The following FBXO8 variants were observed in gnomAD, a reference collection of about 807,000 sequenced individuals.
The protein encoded by FBXO8 is F-box only protein 8.
In FBXO8, 15 loss-of-function variants were observed where a neutral mutation model predicts 33.4. The ratio of observed to expected loss-of-function variants is 0.45; its 90% CI spans 0.30 to 0.69. The LOEUF is 0.69. FBXO8 is among the 30% of genes least tolerant of loss of function. The pLI, the probability that FBXO8 is intolerant of heterozygous loss-of-function variation, is 0.08. For missense variants in FBXO8, 274 were observed against 380.3 expected (o/e 0.72, Z 2.32); for synonymous variants, 132 against 131.5 (o/e 1.00, Z -0.02).
rs1227028497 is a variant in FBXO8 at position 174,283,211 on chromosome 4, T to A, written c.-9+199A>T. Among the ~76,000 whole-genome samples the A allele has an allele frequency of 2.6e-5, 4 of 152,192 alleles. No homozygotes were observed. Among genetic ancestry groups the A allele is most frequent in the Admixed American group, 1.3e-4 (2 of 15,272 alleles). The stretch of plus-strand genomic sequence containing the variant: ...CAGAAGGAACACACCCAGTTCCGCC[T>A]CCTGACAGTGATTCCTCACTTTAAT... On this transcript the variant is annotated intron_variant, in intron 1 of 5. Transcript: ENST00000393674. The surrounding 1 kb of genome is among the most constrained non-coding windows in gnomAD (Gnocchi z 6.7).
rs768944082 is a variant in FBXO8 at position 174,259,343 on chromosome 4, A to T, written c.456+356T>A. ...CATCACTACTAAGGAAAAACAATAA[A>T]CAGAAAAAAACTGCTGCAGATAAAA... On this transcript the variant is annotated intron_variant, in intron 3 of 5. Transcript: ENST00000393674. The surrounding 1 kb of genome is among the most constrained non-coding windows in gnomAD (Gnocchi z 4.3). 3.2e-4 allele frequency among the ~76,000 whole-genome samples: 48 copies of T among 152,088 alleles called. No individual in the cohort carries two copies. The highest frequency in any genetic ancestry group is 1.2e-4 in the Non-Finnish European group (8 of 67,956).
At chr4:174,268,591 A>T (rs551066936) in intron 1 of FBXO8, among the ~76,000 whole-genome samples, 246 of 110,410 alleles carry the variant, frequency 2.2e-3, no homozygotes, top group African/African-American at 7.3e-3. Context: ...GCCTGCTACC[A>T]CGCCCGGCTA....
rs186230023 is a variant in FBXO8 at position 174,253,041 on chromosome 4, A to T, written c.456+6658T>A. On this transcript the variant is annotated intron_variant, in intron 3 of 5. Coordinates refer to ENST00000393674, the MANE Select transcript of FBXO8 (RefSeq NM_012180.3). This position sits in a 1 kb window ranked among gnomAD's most constrained non-coding sequence, Gnocchi z 4.5. The stretch of plus-strand genomic sequence containing the variant: ...TCCAACCTCATGAGTCAAGAGATAG[A>T]TTACACGGATGCCATAAAAGCATCC... 1.9e-3 allele frequency among the ~76,000 whole-genome samples: 282 copies of T among 152,270 alleles called. 6 individuals carry two copies. Among genetic ancestry groups the T allele is most frequent in the Admixed American group, 0.017 (263 of 15,286 alleles).
At chr4:174,273,333 A>AAAAGAAAAG (rs372307368) in intron 1 of FBXO8, among the ~76,000 whole-genome samples, 1 of 116,098 alleles carries the variant, frequency 8.6e-6, no homozygotes, top group Non-Finnish European at 1.8e-5. Context: ...TAAAAAAAAA[A>AAAAGAAAAG]AAAAGAAAAG....
intron 1 of FBXO8, among the ~76,000 whole-genome samples, chr4:174,282,836 C>A (rs1737157933): frequency 6.6e-6 from 1 of 152,126 alleles, no homozygotes; most frequent in Non-Finnish European, 1.5e-5. Context: ...GGATTGGGAT[C>A]CATTTATGTG....
At position 174,251,166 on chromosome 4, in the gene FBXO8, A is replaced by G. The variant is rs563819651; in HGVS notation, c.456+8533T>C. ...AATTTAAAAATGTATCCTAGGATGA[A>G]GACATTTTCCACTAATTTCAGTTTT... On this transcript the variant is annotated intron_variant, in intron 3 of 5. Transcript: ENST00000393674. The surrounding 1 kb of genome is among the most constrained non-coding windows in gnomAD (Gnocchi z 4.2). Among the ~76,000 whole-genome samples, 52 of 152,278 alleles carry G rather than the reference A, an allele frequency of 3.4e-4. No individual in the cohort carries two copies. The highest frequency in any genetic ancestry group is 2.6e-4 in the Non-Finnish European group (18 of 68,016).
rs188667778 is a variant in FBXO8 at position 174,241,755 on chromosome 4, G to C, written c.457-537C>G. The stretch of plus-strand genomic sequence containing the variant: ...AAGCCCAACTCCAAACCAATGTATA[G>C]GTTGTACTACTTTGGCTTTAAACAT... On this transcript the variant is annotated intron_variant, in intron 3 of 5. Transcript: ENST00000393674. The surrounding 1 kb of genome is among the most constrained non-coding windows in gnomAD (Gnocchi z 4.2). Among the ~76,000 whole-genome samples, 302 of 151,584 alleles carry C rather than the reference G, an allele frequency of 2.0e-3. 2 individuals carry two copies. Among genetic ancestry groups the C allele is most frequent in the African/African-American group, 6.8e-3 (283 of 41,478 alleles).
rs749077500 is a variant in FBXO8, at chr4:174,270,083, T to C, written c.-8-6983A>G. Among the ~76,000 whole-genome samples, 1 of 152,208 alleles carries C rather than the reference T, an allele frequency of 6.6e-6. No individual in the cohort carries two copies. The highest frequency in any genetic ancestry group is 1.5e-5 in the Non-Finnish European group (1 of 68,032). ...TTAGAAGCCTGACATGAATGGCTAC[T>C]GAATGGCTACTGAATGTGGACTGGC... On this transcript the variant is annotated intron_variant, in intron 1 of 5. Coordinates refer to ENST00000393674, the MANE Select transcript of FBXO8 (RefSeq NM_012180.3). The surrounding 1 kb of genome is among the most constrained non-coding windows in gnomAD (Gnocchi z 4.6).
rs1179217344 is a variant in FBXO8, at chr4:174,256,010, G to A, written c.456+3689C>T. 6.6e-6 allele frequency: 3 copies of A among 452,274 alleles called. No homozygotes were observed. The highest frequency in any genetic ancestry group is 1.3e-5 in the Non-Finnish European group (3 of 225,346). The allele number at this position is 452,274 out of a possible 1,614,324, so 28.0% of individuals were successfully genotyped here. On this transcript the variant is annotated intron_variant, in intron 3 of 5. Transcript: ENST00000393674. This position sits in a 1 kb window ranked among gnomAD's most constrained non-coding sequence, Gnocchi z 4.6. ...ACAATGTCATGCATAGTACAACAGC[G>A]TGCCAGATTATCGTACCACAAACTG... is the stretch of plus-strand genomic sequence containing the variant.
rs920757692 is a variant in FBXO8 at position 174,277,213 on chromosome 4, G to C, written c.-9+6197C>G. On this transcript the variant is annotated intron_variant, in intron 1 of 5. Transcript: ENST00000393674. This position sits in a 1 kb window ranked among gnomAD's most constrained non-coding sequence, Gnocchi z 4.9. ...TTCTAGAAGATCGTTACATTTCTAAGAGATGGTATTTTTGACTACTATGTT... is the reference window on the plus strand; with the variant it reads ...TTCTAGAAGATCGTTACATTTCTAACAGATGGTATTTTTGACTACTATGTT... Among the ~76,000 whole-genome samples, 1 of 152,098 alleles carries C rather than the reference G, an allele frequency of 6.6e-6. No individual in the cohort carries two copies. The highest frequency in any genetic ancestry group is 2.4e-5 in the African/African-American group (1 of 41,430).
At chr4:174,240,084 T>G (rs1413343943) in intron 4 of FBXO8, among the ~76,000 whole-genome samples, 1 of 147,666 alleles carries the variant, frequency 6.8e-6, no homozygotes, top group Non-Finnish European at 1.5e-5. Context: ...AATGGCAGAG[T>G]TTTAAGTAGC....
rs1736583418 is a variant in FBXO8 at position 174,262,385 on chromosome 4, T to C, written c.329+379A>G. Among the ~76,000 whole-genome samples the C allele has an allele frequency of 1.3e-5, 2 of 152,194 alleles. No homozygotes were observed. The highest frequency in any genetic ancestry group is 4.8e-5 in the African/African-American group (2 of 41,446). On this transcript the variant is annotated intron_variant, in intron 2 of 5. Coordinates refer to ENST00000393674, the MANE Select transcript of FBXO8 (RefSeq NM_012180.3). This position sits in a 1 kb window ranked among gnomAD's most constrained non-coding sequence, Gnocchi z 4.6. The stretch of plus-strand genomic sequence containing the variant: ...TTTCGAAGTCTGCCTATTATTCAGA[T>C]GGCAGGTATCCTATGGGAAGCACAA...
chr4:174,266,896 T>C (rs1409784675), intron 1 of FBXO8, among the ~76,000 whole-genome samples: 1 of 152,232 alleles, frequency 6.6e-6, no homozygotes. Flanking sequence ...TTGACAAGCA[T>C]ATTTTTATCA....
In FBXO8 at chr4:174,251,852, G is replaced by A. The variant is rs143371860; in HGVS notation, c.456+7847C>T. ...CTATGGGTAAACAGTTCTTACAGAG[G>A]GGGGAGCTACTTAAGCCATATTTGG... On this transcript the variant is annotated intron_variant, in intron 3 of 5. Transcript: ENST00000393674. The surrounding 1 kb of genome is among the most constrained non-coding windows in gnomAD (Gnocchi z 4.2). 4.6e-5 allele frequency among the ~76,000 whole-genome samples: 7 copies of A among 152,200 alleles called. No homozygotes were observed. The highest frequency in any genetic ancestry group is 1.9e-4 in the East Asian group (1 of 5,164).
chr4:174,239,502 T>C (rs1327897702), intron 4 of FBXO8, among the ~76,000 whole-genome samples: 1 of 151,900 alleles, frequency 6.6e-6, no homozygotes, highest in East Asian at 1.9e-4. Flanking sequence ...TTTAAGTGCC[T>C]TCTTGGCCAA....
intron 1 of FBXO8, among the ~76,000 whole-genome samples, chr4:174,268,241 T>C (rs1424914954): frequency 6.6e-6 from 1 of 152,198 alleles, no homozygotes; most frequent in Non-Finnish European, 1.5e-5. Flanking sequence ...ATAACCTTAC[T>C]GTATGTGTGT....
In FBXO8 at chr4:174,267,677, C is replaced by T. The variant is rs1262437704; in HGVS notation, c.-8-4577G>A. On this transcript the variant is annotated intron_variant, in intron 1 of 5. Transcript: ENST00000393674. This position sits in a 1 kb window ranked among gnomAD's most constrained non-coding sequence, Gnocchi z 4.7. ...CAAACTCTTGAAAATAGTGTTTAGACTGAACCAATTAAAACTTAATTTCAA... is the reference window on the plus strand; with the variant it reads ...CAAACTCTTGAAAATAGTGTTTAGATTGAACCAATTAAAACTTAATTTCAA... Among the ~76,000 whole-genome samples, 1 of 152,178 alleles carries T rather than the reference C, an allele frequency of 6.6e-6. No homozygotes were observed. Among genetic ancestry groups the T allele is most frequent in the Non-Finnish European group, 1.5e-5 (1 of 68,034 alleles).
At position 174,255,146 on chromosome 4, in the gene FBXO8, C is replaced by A. The variant is rs1371556397; in HGVS notation, c.456+4553G>T. Among the ~76,000 whole-genome samples, 1 of 152,064 alleles carries A rather than the reference C, an allele frequency of 6.6e-6. No homozygotes were observed. ...AAGAATTCCTTTTTAACTGTGTATT[C>A]CCAAGGAATGCACTTGGGAAATGTT... On this transcript the variant is annotated intron_variant, in intron 3 of 5. Coordinates refer to ENST00000393674, the MANE Select transcript of FBXO8 (RefSeq NM_012180.3). This position sits in a 1 kb window ranked among gnomAD's most constrained non-coding sequence, Gnocchi z 4.3.
rs568932122 is a variant in FBXO8 at position 174,277,053 on chromosome 4, T to C, written c.-9+6357A>G. Reference sequence around the variant, plus strand: ...ATGTATTTTTTTTAAAGTAGCAGTTTTAGTCTAACCAAGTCTGTTACAACA... The same window carrying C: ...ATGTATTTTTTTTAAAGTAGCAGTTCTAGTCTAACCAAGTCTGTTACAACA... On this transcript the variant is annotated intron_variant, in intron 1 of 5. Transcript: ENST00000393674. The surrounding 1 kb of genome is among the most constrained non-coding windows in gnomAD (Gnocchi z 4.9). Among the ~76,000 whole-genome samples the C allele has an allele frequency of 6.6e-6, 1 of 152,206 alleles. No homozygotes were observed. Among genetic ancestry groups the C allele is most frequent in the Non-Finnish European group, 1.5e-5 (1 of 68,038 alleles).
Sources: allele counts gnomAD v4.1 joint callset (sites outside exome capture counted in the v4.1 genomes callset), GRCh38; gene constraint gnomAD v4.1.1; non-coding constraint Gnocchi (gnomAD v3.1); transcripts MANE v1.5; gene names NCBI Gene and HGNC (gene_info 2026-07-23, HGNC 2026-07-21).